ATXN2: variants seen among roughly 807,000 people sequenced by gnomAD.
ATXN2 encodes ataxin-2.
A neutral mutation model predicts 138.6 loss-of-function variants in ATXN2; 37 were observed. That is an observed-to-expected ratio of 0.27 (90% CI 0.21 to 0.35). The LOEUF (loss-of-function observed/expected upper bound fraction) is 0.35. Among genes scored for constraint, ATXN2 ranks in the 10% least tolerant of loss-of-function variants. The probability of loss-of-function intolerance (pLI) is 1.00; values close to 1 mark genes in which losing one functional copy is unlikely to be tolerated. For missense variants in ATXN2, 1,216 were observed against 1,480.3 expected (o/e 0.82, Z 2.93); for synonymous variants, 549 against 543.7 (o/e 1.01, Z -0.13).
intron 5 of ATXN2, among the ~76,000 whole-genome samples, chr12:111,535,603 C>T (rs1427180987): frequency 6.6e-6 from 1 of 151,984 alleles, no homozygotes; most frequent in African/African-American, 2.4e-5. Context: ...ACCTGGGCAA[C>T]AGAGTGAGAC....
intron 1 of ATXN2, among the ~76,000 whole-genome samples, chr12:111,565,176 C>G (rs1039517742): frequency 1.3e-5 from 2 of 151,132 alleles, no homozygotes; most frequent in Admixed American, 1.3e-4. Flanking sequence ...AAAAAAAAAA[C>G]GTATTTTACT....
At chr12:111,593,001 T>TA (rs541770455) in intron 1 of ATXN2, among the ~76,000 whole-genome samples, 9 of 152,010 alleles carry the variant, frequency 5.9e-5, no homozygotes, top group Non-Finnish European at 2.9e-5. Context: ...CGTTTCAAAG[T>TA]AAAAAAACAA....
chr12:111,537,700 T>G (rs939861379), intron 5 of ATXN2, among the ~76,000 whole-genome samples: 5 of 152,080 alleles, frequency 3.3e-5, no homozygotes, highest in African/African-American at 1.2e-4. Flanking sequence ...TGGGGAAAAT[T>G]GAAACAAACA....
intron 18 of ATXN2, among the ~76,000 whole-genome samples, chr12:111,472,901 G>A (rs1044088483): frequency 1.3e-5 from 2 of 152,112 alleles, no homozygotes; most frequent in African/African-American, 4.8e-5. Flanking sequence ...TGCTATTGAA[G>A]GTATACTTTG....
intron 18 of ATXN2, among the ~76,000 whole-genome samples, chr12:111,475,665 T>C (rs1434647073): frequency 1.3e-5 from 2 of 151,572 alleles, no homozygotes; most frequent in African/African-American, 4.8e-5. Context: ...CAAGATATAT[T>C]TTAAAGATCA....
At chr12:111,474,522 T>C (rs371044363) in intron 18 of ATXN2, among the ~76,000 whole-genome samples, 1 of 152,130 alleles carries the variant, frequency 6.6e-6, no homozygotes, top group Admixed American at 6.5e-5. Context: ...GGAGGATCCT[T>C]TGAGACCAGG....
intron 1 of ATXN2, among the ~76,000 whole-genome samples, chr12:111,570,605 C>T (rs897756948): frequency 3.9e-5 from 6 of 152,080 alleles, no homozygotes; most frequent in East Asian, 1.9e-4. Context: ...AAACTCTTCC[C>T]GCCTGGAACT....
intron 18 of ATXN2, among the ~76,000 whole-genome samples, chr12:111,484,434 G>T (rs111279477): frequency 0.1 from 15,082 of 151,142 alleles, 2,512 homozygotes; most frequent in African/African-American, 0.35. Flanking sequence ...TTTGTTTTTT[G>T]TTTGTTTGTT....
chr12:111,501,828 A>G (rs947900851), intron 14 of ATXN2, among the ~76,000 whole-genome samples: 2 of 152,256 alleles, frequency 1.3e-5, no homozygotes, highest in East Asian at 3.9e-4. Flanking sequence ...GGCAAAAATC[A>G]GACTTTTGGT....
chr12:111,576,170 A>C (rs1280762567), intron 1 of ATXN2, among the ~76,000 whole-genome samples: 1 of 152,096 alleles, frequency 6.6e-6, no homozygotes, highest in Non-Finnish European at 1.5e-5. Context: ...CTGGCCGGGC[A>C]CCACGGCTCA....
chr12:111,568,009 C>T (rs1480207692), intron 1 of ATXN2, among the ~76,000 whole-genome samples: 3 of 152,082 alleles, frequency 2.0e-5, no homozygotes, highest in Non-Finnish European at 2.9e-5. Context: ...ACCTGTAATC[C>T]CGGCACTTTG....
intron 1 of ATXN2, among the ~76,000 whole-genome samples, chr12:111,580,184 A>G (rs1170192829): frequency 2.6e-5 from 4 of 151,876 alleles, no homozygotes; most frequent in Non-Finnish European, 5.9e-5. Flanking sequence ...GTTAAATGGG[A>G]AGAAAGAGGA....
At position 111,588,443 on chromosome 12, in the gene ATXN2, T is replaced by A. The variant is rs1884454666; in HGVS notation, c.251+10341A>T. Among the ~76,000 whole-genome samples, 5 of 151,794 alleles carry A rather than the reference T, an allele frequency of 3.3e-5. No individual in the cohort carries two copies. In the South Asian group the frequency reaches 1.0e-3, roughly 32 times the overall value. On this transcript the variant is annotated intron_variant, in intron 1 of 24. Coordinates refer to ENST00000673436, the MANE Select transcript of ATXN2 (RefSeq NM_001372574.1). ...TTCCAGACCAGCCTGGCCAATATGG[T>A]GAAACCCCATCTCTACTAAAATACA...
At chr12:111,461,817 G>A (rs1875605922) in intron 21 of ATXN2, among the ~76,000 whole-genome samples, 5 of 152,036 alleles carry the variant, frequency 3.3e-5, no homozygotes, top group Admixed American at 1.3e-4. Context: ...CAGCTACTCT[G>A]GAAGCTGAGG....
intron 1 of ATXN2, among the ~76,000 whole-genome samples, chr12:111,567,746 A>G (rs1883094755): frequency 1.3e-5 from 2 of 151,994 alleles, no homozygotes; most frequent in African/African-American, 4.8e-5. Flanking sequence ...CTCAGGAGGC[A>G]GAGGTTGCAG....
intron 6 of ATXN2, among the ~76,000 whole-genome samples, chr12:111,524,205 G>A (rs1351413631): frequency 6.6e-6 from 1 of 152,194 alleles, no homozygotes; most frequent in Admixed American, 6.5e-5. Context: ...CATGTTGCCT[G>A]TGTATGTCCA....
At chr12:111,455,365 T>G (rs556747560) in intron 23 of ATXN2, 1 of 478,256 alleles carries the variant, frequency 2.1e-6, no homozygotes, top group African/African-American at 2.0e-5. Context: ...ACCACTGAGA[T>G]GGCAAGCACA....
intron 18 of ATXN2, chr12:111,479,236 A>G: frequency 3.6e-6 from 1 of 275,282 alleles, no homozygotes; most frequent in Non-Finnish European, 6.7e-6. Context: ...TAATCATAAA[A>G]TGAAATGCTA....
chr12:111,474,167 G>C (rs1876626108), intron 18 of ATXN2, among the ~76,000 whole-genome samples: 1 of 152,140 alleles, frequency 6.6e-6, no homozygotes, highest in African/African-American at 2.4e-5. Context: ...ACTGCACTGA[G>C]CTGAAATCAT....
Sources: allele counts gnomAD v4.1 joint callset (sites outside exome capture counted in the v4.1 genomes callset), GRCh38; gene constraint gnomAD v4.1.1; transcripts MANE v1.5; gene names NCBI Gene and HGNC (gene_info 2026-07-23, HGNC 2026-07-21).